The following FRMPD4 variants were observed in gnomAD, a reference collection of about 807,000 sequenced individuals.
The protein encoded by FRMPD4 is FERM and PDZ domain-containing protein 4.
FRMPD4 carries 22 observed loss-of-function variants against 94.1 expected under a neutral mutation model. The ratio of observed to expected loss-of-function variants is 0.23; its 90% confidence interval spans 0.17 to 0.33. The LOEUF is 0.33. Among genes scored for constraint, FRMPD4 ranks in the 10% least tolerant of loss-of-function variants. FRMPD4 has a pLI of 1.00. For synonymous variants in FRMPD4, 631 were observed against 548.6 expected, an observed-to-expected ratio of 1.15 and a Z score of -2.10; for missense variants, 1,111 against 1,339.9, an observed-to-expected ratio of 0.83 and a Z score of 2.67.
chrX:12,651,281 C>T (rs1304276954), intron 4 of FRMPD4, among the ~76,000 whole-genome samples: 1 of 110,291 alleles, frequency 9.1e-6, no homozygotes, highest in Non-Finnish European at 1.9e-5. Flanking sequence ...TTCTTGCATC[C>T]TTGAATTATT....
At chrX:12,214,624 T>A (rs763942605) in intron 1 of FRMPD4, among the ~76,000 whole-genome samples, 2 of 112,692 alleles carry the variant, frequency 1.8e-5, no homozygotes, top group South Asian at 7.3e-4. Flanking sequence ...CACCTTTTAG[T>A]AGAGCATTGT....
At chrX:12,049,703 A>G in intron 3 of FRMPD4, among the ~76,000 whole-genome samples, 1 of 111,739 alleles carries the variant, frequency 8.9e-6, no homozygotes. Context: ...TTCAGGAGGT[A>G]TTGCAGAAGA....
intron 1 of FRMPD4, among the ~76,000 whole-genome samples, chrX:12,291,217 T>G (rs919912359): frequency 5.3e-5 from 6 of 112,557 alleles, no homozygotes. Context: ...TCATCTTCCT[T>G]GAACTGCACG....
At chrX:12,095,337 C>T (rs2055189383) in intron 3 of FRMPD4, among the ~76,000 whole-genome samples, 1 of 105,771 alleles carries the variant, frequency 9.5e-6, no homozygotes, top group East Asian at 3.0e-4. Flanking sequence ...ATGATTATGC[C>T]ACTGCACTCC....
At chrX:12,534,956 G>T (rs771017527) in intron 2 of FRMPD4, among the ~76,000 whole-genome samples, 1 of 111,604 alleles carries the variant, frequency 9.0e-6, no homozygotes, top group Non-Finnish European at 1.9e-5. Flanking sequence ...GCCAGGGGCA[G>T]AATGATATGG....
At chrX:12,430,272 T>C (rs184081655) in intron 1 of FRMPD4, among the ~76,000 whole-genome samples, 137 of 112,289 alleles carry the variant, frequency 1.2e-3, no homozygotes, top group Non-Finnish European at 1.9e-3. Flanking sequence ...AAGCTTGACA[T>C]GCACTTTCAT....
At chrX:11,832,391 A>G (rs183067030) in intron 1 of FRMPD4, among the ~76,000 whole-genome samples, 1 of 111,671 alleles carries the variant, frequency 9.0e-6, no homozygotes, top group East Asian at 2.8e-4. Context: ...GAGGCACCAA[A>G]TTTCCATTCT....
At chrX:12,695,323 G>A (rs1295983564) in intron 9 of FRMPD4, among the ~76,000 whole-genome samples, 3 of 112,076 alleles carry the variant, frequency 2.7e-5, no homozygotes, top group African/African-American at 3.2e-5. Flanking sequence ...GATGTTCTCC[G>A]AATTCACCCA....
intron 1 of FRMPD4, among the ~76,000 whole-genome samples, chrX:12,206,505 A>G (rs2056694012): frequency 8.9e-6 from 1 of 112,021 alleles, no homozygotes. Context: ...GCAATCAGAC[A>G]TACTAACACC....
At chrX:12,640,172 G>A (rs367649167) in intron 4 of FRMPD4, among the ~76,000 whole-genome samples, 7 of 108,122 alleles carry the variant, frequency 6.5e-5, no homozygotes, top group African/African-American at 1.7e-4. Context: ...TGTGGCTCAC[G>A]CCTGTAATCC....
intron 1 of FRMPD4, among the ~76,000 whole-genome samples, chrX:12,371,247 A>C (rs1470663303): frequency 8.9e-6 from 1 of 112,702 alleles, no homozygotes; most frequent in Non-Finnish European, 1.9e-5. Context: ...TTTCCCCAAA[A>C]AATCACAATA....
chrX:12,277,950 T>G (rs2054466008), intron 1 of FRMPD4, among the ~76,000 whole-genome samples: 1 of 112,073 alleles, frequency 8.9e-6, no homozygotes, highest in African/African-American at 3.2e-5. Flanking sequence ...AGTATGTCAT[T>G]TCATGTTTTA....
intron 1 of FRMPD4, among the ~76,000 whole-genome samples, chrX:12,242,815 T>C (rs956917343): frequency 2.7e-5 from 3 of 112,825 alleles, no homozygotes; most frequent in Non-Finnish European, 5.6e-5. Flanking sequence ...TAGTTCACTA[T>C]AGCCTTGATC....
intron 2 of FRMPD4, among the ~76,000 whole-genome samples, chrX:12,532,490 A>G (rs2058295635): frequency 8.9e-6 from 1 of 111,877 alleles, no homozygotes; most frequent in Non-Finnish European, 1.9e-5. Context: ...AATATAAACT[A>G]TAGACTAGAG....
Position 12,498,493 on chromosome X carries a change from C to T in FRMPD4, c.42-187C>T, listed in dbSNP as rs920805224. 3 of 474,553 alleles carry T rather than the reference C, an allele frequency of 6.3e-6. No homozygotes were observed. The African/African-American group carries it at 7.2e-5, about 11-fold the overall frequency. The allele number at this position is 474,553 out of a possible 1,213,427, so 39.1% of individuals were successfully genotyped here. On this transcript the variant is annotated intron_variant, in intron 1 of 16. Transcript: ENST00000675598. ...GAAAATTCTCCAGAACCTACCCTTT[C>T]ATTTTGCTGCTGAATTGAAGTTGTA... is the stretch of plus-strand genomic sequence containing the variant.
chrX:11,947,298 G>C, intron 3 of FRMPD4, among the ~76,000 whole-genome samples: 1 of 112,154 alleles, frequency 8.9e-6, no homozygotes, highest in Non-Finnish European at 1.9e-5. Context: ...ATTTGAATCA[G>C]GATATGTTCC....
intron 1 of FRMPD4, among the ~76,000 whole-genome samples, chrX:11,863,104 T>G (rs1245926577): frequency 1.8e-5 from 2 of 108,603 alleles, no homozygotes; most frequent in African/African-American, 6.7e-5. Flanking sequence ...ATGTGACATG[T>G]TGGTGTGCTG....
intron 1 of FRMPD4, among the ~76,000 whole-genome samples, chrX:12,486,374 T>C (rs1469244090): frequency 8.9e-6 from 1 of 112,250 alleles, no homozygotes; most frequent in African/African-American, 3.2e-5. Flanking sequence ...GTGATTCTTA[T>C]GCACACTAAA....
At chrX:12,373,776 C>A (rs1289244264) in intron 1 of FRMPD4, among the ~76,000 whole-genome samples, 2 of 112,209 alleles carry the variant, frequency 1.8e-5, no homozygotes, top group Non-Finnish European at 3.8e-5. Context: ...GGAAACACAG[C>A]GTTTTCTTTG....
Sources: gnomAD v4.1 joint callset for allele counts (sites outside exome capture counted in the v4.1 genomes callset) on GRCh38, gnomAD v4.1.1 for gene constraint, MANE v1.5 for transcripts, NCBI Gene and HGNC (gene_info 2026-07-23, HGNC 2026-07-21) for gene names.